Variants in SGCZ observed in about 807,000 individuals in gnomAD.
SGCZ encodes the protein sarcoglycan zeta, also known as zeta-sarcoglycan.
A neutral mutation model predicts 41.3 loss-of-function variants in SGCZ; 40 were observed. The ratio of observed to expected loss-of-function variants is 0.97; its 90% CI spans 0.75 to 1.26. The LOEUF (loss-of-function observed/expected upper bound fraction) is 1.26, where lower values mean the gene tolerates loss of function less well. SGCZ is among the 50% of genes most tolerant of loss of function. The probability of loss-of-function intolerance (pLI) is 0.00; values close to 1 mark genes in which losing one functional copy is unlikely to be tolerated. For missense variants in SGCZ, 552 were observed against 369.8 expected, an observed-to-expected ratio of 1.49 and a Z score of -4.04; for synonymous variants, 206 against 137.5, an observed-to-expected ratio of 1.50 and a Z score of -3.49.
intron 1 of SGCZ, among the ~76,000 whole-genome samples, chr8:14,596,179 T>A (rs1805407550): frequency 6.6e-6 from 1 of 152,200 alleles, no homozygotes; most frequent in South Asian, 2.1e-4. Context: ...TCATTTTGAA[T>A]GAATTGATAG....
intron 1 of SGCZ, among the ~76,000 whole-genome samples, chr8:14,780,973 G>A (rs1265537005): frequency 6.6e-6 from 1 of 152,120 alleles, no homozygotes; most frequent in Non-Finnish European, 1.5e-5. Context: ...AAACCAGGTT[G>A]TTGTCTTGAT....
At chr8:14,116,190 T>A (rs2117023436) in intron 5 of SGCZ, among the ~76,000 whole-genome samples, 1 of 152,180 alleles carries the variant, frequency 6.6e-6, no homozygotes, top group South Asian at 2.1e-4. Context: ...CTACAAATAT[T>A]TTTTACTCTG....
chr8:14,146,449 T>C (rs900855537), intron 5 of SGCZ, among the ~76,000 whole-genome samples: 1 of 152,204 alleles, frequency 6.6e-6, no homozygotes, highest in Non-Finnish European at 1.5e-5. Flanking sequence ...AGGAATTATT[T>C]TGACCACAAA....
At chr8:14,213,359 T>C (rs771038445) in intron 4 of SGCZ, among the ~76,000 whole-genome samples, 136 of 152,240 alleles carry the variant, frequency 8.9e-4, no homozygotes, top group Non-Finnish European at 1.4e-3. Flanking sequence ...AGCCAATTTT[T>C]CATCAGAAAC....
chr8:14,367,715 A>T (rs1030228064), intron 2 of SGCZ, among the ~76,000 whole-genome samples: 5 of 152,078 alleles, frequency 3.3e-5, no homozygotes, highest in African/African-American at 4.8e-5. Context: ...TATCACGGGA[A>T]TATCAAGGGG....
intron 1 of SGCZ, among the ~76,000 whole-genome samples, chr8:14,592,228 G>T (rs974328325): frequency 6.6e-6 from 1 of 151,954 alleles, no homozygotes; most frequent in African/African-American, 2.4e-5. Context: ...TTAAAATGAG[G>T]GGAGTGAAGA....
chr8:14,957,924 T>A (rs948581198), intron 1 of SGCZ, among the ~76,000 whole-genome samples: 2 of 151,990 alleles, frequency 1.3e-5, no homozygotes, highest in Admixed American at 1.3e-4. Flanking sequence ...TACAGAAAAA[T>A]ACTTCTTATG....
At chr8:15,076,689 C>T (rs1259639332) in intron 1 of SGCZ, among the ~76,000 whole-genome samples, 1 of 151,654 alleles carries the variant, frequency 6.6e-6, no homozygotes, top group Admixed American at 6.6e-5. Context: ...AAGGTTATAC[C>T]TTTGAACTTT....
At chr8:14,597,271 G>C (rs919507166) in intron 1 of SGCZ, among the ~76,000 whole-genome samples, 20 of 152,192 alleles carry the variant, frequency 1.3e-4, no homozygotes, top group African/African-American at 4.6e-4. Flanking sequence ...ACTTTGGTGT[G>C]TGGCACTATG....
At chr8:14,827,236 C>CTTTTTTTTTTTTT in intron 1 of SGCZ, among the ~76,000 whole-genome samples, 1 of 122,322 alleles carries the variant, frequency 8.2e-6, no homozygotes. Context: ...CTTTTCTTTT[C>CTTTTTTTTTTTTT]TTTTTTTTTT....
chr8:14,514,838 C>CAT (rs1802574036), intron 2 of SGCZ, among the ~76,000 whole-genome samples: 1 of 147,638 alleles, frequency 6.8e-6, no homozygotes, highest in Non-Finnish European at 1.5e-5. Flanking sequence ...CACACACACA[C>CAT]ACACACTGCA....
chr8:14,436,848 G>C (rs1449740224), intron 2 of SGCZ, among the ~76,000 whole-genome samples: 1 of 152,158 alleles, frequency 6.6e-6, no homozygotes, highest in East Asian at 1.9e-4. Context: ...CCACTTCTTT[G>C]TTGGAAAACT....
At chr8:14,767,508 G>A (rs1055322119) in intron 1 of SGCZ, among the ~76,000 whole-genome samples, 1 of 152,158 alleles carries the variant, frequency 6.6e-6, no homozygotes, top group Admixed American at 6.5e-5. Context: ...AATTTAACCA[G>A]TAAGACCAAG....
chr8:14,993,184 G>T (rs73519057), intron 1 of SGCZ, among the ~76,000 whole-genome samples: 17 of 152,132 alleles, frequency 1.1e-4, no homozygotes, highest in African/African-American at 3.6e-4. Flanking sequence ...TAGTCTGACA[G>T]CCCTTTAACT....
intron 1 of SGCZ, among the ~76,000 whole-genome samples, chr8:14,713,695 G>GA (rs34836703): frequency 0.055 from 7,035 of 127,822 alleles, 513 homozygotes; most frequent in African/African-American, 0.18. Context: ...TGCCGCAAAA[G>GA]AAAAAAAAAA....
At position 14,134,603 on chromosome 8, in the gene SGCZ, A is replaced by G. The variant is rs140208295; in HGVS notation, c.548-26368T>C. 4.9e-3 allele frequency among the ~76,000 whole-genome samples: 750 copies of G among 152,304 alleles called. 6 individuals are homozygous for G. Among genetic ancestry groups the G allele is most frequent in the African/African-American group, 0.017 (712 of 41,564 alleles). ...ACTTAAAAAATATATCAGAGCCACAACAAATTGTCAGGGCTCTCAAATTTA... is the reference window on the plus strand; with the variant it reads ...ACTTAAAAAATATATCAGAGCCACAGCAAATTGTCAGGGCTCTCAAATTTA... On this transcript the variant is annotated intron_variant, in intron 5 of 7. Coordinates refer to ENST00000382080, the MANE Select transcript of SGCZ (RefSeq NM_139167.4).
intron 1 of SGCZ, among the ~76,000 whole-genome samples, chr8:14,891,791 G>A (rs1183832387): frequency 2.0e-5 from 3 of 152,142 alleles, no homozygotes; most frequent in Non-Finnish European, 4.4e-5. Context: ...CGTTGCCACG[G>A]CTACCTCACT....
intron 1 of SGCZ, among the ~76,000 whole-genome samples, chr8:14,692,383 C>A (rs1375870030): frequency 6.6e-6 from 1 of 152,014 alleles, no homozygotes; most frequent in Admixed American, 6.6e-5. Context: ...ATTAAGATGA[C>A]CAGGACTATT....
chr8:14,512,834 C>G (rs942654522), intron 2 of SGCZ, among the ~76,000 whole-genome samples: 2 of 151,830 alleles, frequency 1.3e-5, no homozygotes, highest in East Asian at 3.9e-4. Flanking sequence ...AATTGTCTAC[C>G]CTGGTGCTTC....
Sources: gnomAD v4.1 joint callset for allele counts (sites outside exome capture counted in the v4.1 genomes callset) on GRCh38, gnomAD v4.1.1 for gene constraint, MANE v1.5 for transcripts, NCBI Gene and HGNC (gene_info 2026-07-23, HGNC 2026-07-21) for gene names.